RUNX1T1: variants seen among roughly 807,000 people sequenced by gnomAD.
RUNX1T1 encodes RUNX1 partner transcriptional co-repressor 1.
RUNX1T1 carries 4 observed loss-of-function variants against 62.8 expected under a neutral mutation model. That is an observed-to-expected ratio of 0.06 (90% confidence interval 0.03 to 0.15). RUNX1T1 has a LOEUF of 0.15. Among genes scored for constraint, RUNX1T1 ranks in the 10% least tolerant of loss-of-function variants. RUNX1T1 has a pLI of 1.00. For synonymous variants in RUNX1T1, 291 were observed against 286.0 expected (o/e 1.02, Z -0.18); for missense variants, 508 against 754.3 (o/e 0.67, Z 3.82).
At chr8:92,093,870 C>T (rs533880489) in intron 1 of RUNX1T1, among the ~76,000 whole-genome samples, 1 of 152,292 alleles carries the variant, frequency 6.6e-6, no homozygotes, top group East Asian at 1.9e-4. Flanking sequence ...TATTTTTAAA[C>T]GTGCTCCACC....
At chr8:91,966,314 T>C (rs1251319023) in intron 10 of RUNX1T1, among the ~76,000 whole-genome samples, 1 of 151,978 alleles carries the variant, frequency 6.6e-6, no homozygotes, top group African/African-American at 2.4e-5. Context: ...TCTACACAGG[T>C]GGCATTTCCA....
chr8:92,008,157 G>A (rs934353563), intron 4 of RUNX1T1, among the ~76,000 whole-genome samples: 2 of 151,906 alleles, frequency 1.3e-5, no homozygotes, highest in African/African-American at 4.8e-5. Context: ...TCTGCTCTTG[G>A]TTCTTTAGGG....
At chr8:91,958,980 A>C (rs2130376486) in exon 11 of RUNX1T1, 1 of 204,122 alleles carries the variant, frequency 4.9e-6, no homozygotes, top group African/African-American at 2.3e-5. Flanking sequence ...ACTACTAGAG[A>C]AATATCACTA....
At chr8:91,986,594 A>C (rs949436097) in intron 7 of RUNX1T1, among the ~76,000 whole-genome samples, 1 of 152,184 alleles carries the variant, frequency 6.6e-6, no homozygotes, top group South Asian at 2.1e-4. Context: ...CTCTCCAAAT[A>C]CTAATCCCAT....
intron 5 of RUNX1T1, among the ~76,000 whole-genome samples, chr8:91,999,941 A>C (rs1176156610): frequency 6.6e-6 from 1 of 152,202 alleles, no homozygotes; most frequent in African/African-American, 2.4e-5. Flanking sequence ...TCAGGCTAAC[A>C]AGTTAAAGTT....
chr8:92,044,434 A>C (rs769495863), intron 1 of RUNX1T1, among the ~76,000 whole-genome samples: 1 of 152,216 alleles, frequency 6.6e-6, no homozygotes, highest in Non-Finnish European at 1.5e-5. Flanking sequence ...ATGGTAAAAA[A>C]TGAGTGAAGA....
intron 5 of RUNX1T1, among the ~76,000 whole-genome samples, chr8:91,995,481 T>C (rs1818483231): frequency 6.6e-6 from 1 of 152,190 alleles, no homozygotes; most frequent in Admixed American, 6.5e-5. Context: ...GTTTACATTC[T>C]AACAGTTGTG....
At chr8:92,076,559 T>A (rs1348770385) in intron 1 of RUNX1T1, among the ~76,000 whole-genome samples, 1 of 152,152 alleles carries the variant, frequency 6.6e-6, no homozygotes, top group East Asian at 1.9e-4. Flanking sequence ...GTTAATCCTG[T>A]TTCAAAACAA....
At chr8:92,003,223 T>A (rs1396760056) in intron 5 of RUNX1T1, 5 of 394,292 alleles carry the variant, frequency 1.3e-5, no homozygotes, top group South Asian at 5.7e-5. Context: ...CGACAGAGCA[T>A]CAAAACAAGA....
chr8:92,034,212 A>T (rs959215210), intron 1 of RUNX1T1, among the ~76,000 whole-genome samples: 2 of 152,180 alleles, frequency 1.3e-5, no homozygotes, highest in African/African-American at 4.8e-5. Flanking sequence ...ACTGAATAAA[A>T]GAATGAATAT....
intron 3 of RUNX1T1, among the ~76,000 whole-genome samples, chr8:92,011,689 A>T (rs1821961550): frequency 6.6e-6 from 1 of 152,230 alleles, no homozygotes; most frequent in African/African-American, 2.4e-5. Flanking sequence ...AGTTTTGTAG[A>T]AGGTGAAAGA....
upstream of RUNX1T1, among the ~76,000 whole-genome samples, chr8:92,065,700 CT>C (rs1446448634): frequency 6.6e-6 from 1 of 152,216 alleles, no homozygotes; most frequent in Non-Finnish European, 1.5e-5. Flanking sequence ...CTGTTCAAAC[CT>C]GACTTAGCAA....
chr8:91,986,064 G>T, intron 8 of RUNX1T1, 60 bp downstream of exon 9: 1 of 1,115,900 alleles, frequency 9.0e-7, no homozygotes, highest in Non-Finnish European at 1.4e-6. Context: ...TAAAAATGAA[G>T]TCAGCATTAA....
At chr8:92,009,262 T>A (rs974496687) in intron 4 of RUNX1T1, among the ~76,000 whole-genome samples, 8 of 152,224 alleles carry the variant, frequency 5.3e-5, no homozygotes, top group Non-Finnish European at 7.3e-5. Flanking sequence ...TGTTTCTCCA[T>A]AAATGCAAAA....
chr8:92,033,322 G>A (rs2131328584), intron 1 of RUNX1T1, among the ~76,000 whole-genome samples: 1 of 152,270 alleles, frequency 6.6e-6, no homozygotes, highest in Non-Finnish European at 1.5e-5. Context: ...AAGTTACAAA[G>A]CAGTATGTTT....
intron 1 of RUNX1T1, among the ~76,000 whole-genome samples, chr8:92,028,205 T>A (rs1417858817): frequency 6.6e-6 from 1 of 151,820 alleles, no homozygotes; most frequent in African/African-American, 2.4e-5. Flanking sequence ...TCTTTTTTTT[T>A]TTTTTTCAAT....
At chr8:92,093,921 G>C (rs750417180) in intron 1 of RUNX1T1, among the ~76,000 whole-genome samples, 6 of 152,162 alleles carry the variant, frequency 3.9e-5, no homozygotes, top group Non-Finnish European at 7.3e-5. Flanking sequence ...AATTAAAGAT[G>C]TTCCTAAGAC....
At chr8:92,039,014 GCTT>G (rs1827930133) in intron 1 of RUNX1T1, among the ~76,000 whole-genome samples, 1 of 151,982 alleles carries the variant, frequency 6.6e-6, no homozygotes, top group Non-Finnish European at 1.5e-5. Flanking sequence ...CCACTGCCTG[GCTT>G]CTTAAGGGCA....
intron 6 of RUNX1T1, 146 bp from the exon 8 acceptor site, chr8:91,987,118 A>T: frequency 1.6e-6 from 1 of 638,102 alleles, no homozygotes. Flanking sequence ...ATTTAGATTC[A>T]GAATTACCTA....
Sources: allele counts gnomAD v4.1 joint callset (sites outside exome capture counted in the v4.1 genomes callset), GRCh38; gene constraint gnomAD v4.1.1; transcripts MANE v1.5; gene names NCBI Gene and HGNC (gene_info 2026-07-23, HGNC 2026-07-21).